Variants in DYNC1I1 observed in about 807,000 individuals in gnomAD.
The protein encoded by DYNC1I1 is cytoplasmic dynein 1 intermediate chain 1.
DYNC1I1 carries 43 observed loss-of-function variants against 86.6 expected under a neutral mutation model. The ratio of observed to expected loss-of-function variants is 0.50; its 90% confidence interval spans 0.39 to 0.64. The LOEUF is 0.64. Among genes scored for constraint, DYNC1I1 ranks in the 30% least tolerant of loss-of-function variants. The pLI is 0.00. For missense variants in DYNC1I1, 604 were observed against 788.8 expected, an observed-to-expected ratio of 0.77 and a Z score of 2.81; for synonymous variants, 262 against 283.7, an observed-to-expected ratio of 0.92 and a Z score of 0.77.
chr7:96,041,094 T>C (rs894752250), intron 14 of DYNC1I1, among the ~76,000 whole-genome samples: 1 of 151,788 alleles, frequency 6.6e-6, no homozygotes, highest in Non-Finnish European at 1.5e-5. Context: ...TAAATAGAAA[T>C]TGAACTAGAA....
chr7:95,876,106 G>A (rs888384902), intron 6 of DYNC1I1, among the ~76,000 whole-genome samples: 2 of 152,106 alleles, frequency 1.3e-5, no homozygotes, highest in African/African-American at 4.8e-5. Context: ...ATTGCATGGT[G>A]GTCTCTTTTC....
In DYNC1I1 at chr7:96,080,320, C is replaced by T. The variant is rs770945099; in HGVS notation, c.1651-43C>T. ...TATTGTAAATTTGTATATTTAAATT[C>T]ATATTCAGAGATTCTTTTATTCTGT... is the stretch of plus-strand genomic sequence containing the variant. On this transcript the variant is annotated intron_variant, in intron 15 of 16. Coordinates refer to ENST00000447467, the MANE Select transcript of DYNC1I1 (RefSeq NM_001135556.2). 3.3e-6 allele frequency: 5 copies of T among 1,528,668 alleles called. No individual in the cohort carries two copies. The African/African-American group carries it at 5.6e-5, about 17-fold the overall frequency. 94.7% of individuals were successfully genotyped at this position (1,528,668 alleles called of 1,614,324 possible). A position where few individuals can be genotyped will look rare whatever the true frequency, so the allele number is the denominator to read the frequency against.
chr7:96,027,470 A>G (rs1402442635), intron 10 of DYNC1I1, among the ~76,000 whole-genome samples: 1 of 152,194 alleles, frequency 6.6e-6, no homozygotes, highest in Non-Finnish European at 1.5e-5. Flanking sequence ...CAGAAACCAC[A>G]TTTGTGACAG....
At chr7:96,100,817 G>A (rs1473885965), downstream of DYNC1I1, among the ~76,000 whole-genome samples, 2 of 152,092 alleles carry the variant, frequency 1.3e-5, no homozygotes, top group African/African-American at 4.8e-5. Context: ...GGTAGTACAG[G>A]AAGGAATAAA....
chr7:95,861,763 A>T (rs1342260409), intron 5 of DYNC1I1, among the ~76,000 whole-genome samples: 1 of 152,188 alleles, frequency 6.6e-6, no homozygotes, highest in Non-Finnish European at 1.5e-5. Context: ...CGCTCTTGCT[A>T]GTGGTGGAAG....
chr7:95,968,824 CTGTGTGTGTGTGTGTGTG>C (rs56022930), intron 6 of DYNC1I1, among the ~76,000 whole-genome samples: 13 of 94,414 alleles, frequency 1.4e-4, no homozygotes, highest in South Asian at 8.7e-4. Flanking sequence ...ATTTTTTGCT[CTGTGTGTGTGTGTGTGTG>C]TGTGTGTGTG....
At chr7:95,777,129 A>G (rs1207722665) in intron 1 of DYNC1I1, among the ~76,000 whole-genome samples, 1 of 152,210 alleles carries the variant, frequency 6.6e-6, no homozygotes, top group Non-Finnish European at 1.5e-5. Flanking sequence ...AGAGTCCCTC[A>G]AGAAATATGT....
chr7:96,050,026 A>C (rs148599853), intron 14 of DYNC1I1, among the ~76,000 whole-genome samples: 2,807 of 148,840 alleles, frequency 0.019, 39 homozygotes, highest in Non-Finnish European at 0.025. Flanking sequence ...CATCTCAAAA[A>C]AAACAAACAA....
At chr7:96,000,969 A>G (rs960706269) in intron 10 of DYNC1I1, among the ~76,000 whole-genome samples, 2 of 152,238 alleles carry the variant, frequency 1.3e-5, no homozygotes, top group African/African-American at 4.8e-5. Context: ...AAGTTGTTTT[A>G]AAATCGTTTT....
intron 6 of DYNC1I1, among the ~76,000 whole-genome samples, chr7:95,943,362 T>A (rs200576747): frequency 6.6e-6 from 1 of 151,394 alleles, no homozygotes; most frequent in African/African-American, 2.4e-5. Flanking sequence ...CACTGCTCAA[T>A]GAAATAAAAG....
At chr7:95,947,558 C>T (rs1792435608) in intron 6 of DYNC1I1, among the ~76,000 whole-genome samples, 1 of 152,052 alleles carries the variant, frequency 6.6e-6, no homozygotes, top group African/African-American at 2.4e-5. Flanking sequence ...GGGAGATGCC[C>T]AGGATAGCTC....
At chr7:95,916,888 T>A (rs1443326768) in intron 6 of DYNC1I1, among the ~76,000 whole-genome samples, 1 of 152,208 alleles carries the variant, frequency 6.6e-6, no homozygotes, top group Non-Finnish European at 1.5e-5. Context: ...TGTCTTAAAT[T>A]CATCAAAGTT....
chr7:95,947,184 G>C (rs545214361), intron 6 of DYNC1I1, among the ~76,000 whole-genome samples: 34 of 152,206 alleles, frequency 2.2e-4, no homozygotes, highest in Admixed American at 5.9e-4. Flanking sequence ...TAATAAAATA[G>C]TGTGTGCAAA....
intron 6 of DYNC1I1, among the ~76,000 whole-genome samples, chr7:95,872,961 A>C (rs1790212026): frequency 6.6e-6 from 1 of 152,306 alleles, no homozygotes; most frequent in South Asian, 2.1e-4. Flanking sequence ...CTGAGTACCC[A>C]AGAAATGCTG....
At chr7:96,053,811 G>A (rs2116122936) in intron 14 of DYNC1I1, among the ~76,000 whole-genome samples, 1 of 151,972 alleles carries the variant, frequency 6.6e-6, no homozygotes, top group East Asian at 1.9e-4. Flanking sequence ...TAGTTTCCTA[G>A]TATTACACAC....
intron 1 of DYNC1I1, among the ~76,000 whole-genome samples, chr7:95,782,326 A>G (rs1463805891): frequency 2.0e-5 from 3 of 152,242 alleles, no homozygotes; most frequent in Admixed American, 2.0e-4. Flanking sequence ...ATTCCTGCTA[A>G]TAACTACAGT....
chr7:95,813,333 A>G lies in DYNC1I1; in HGVS notation c.310A>G (p.Thr104Ala). ...AGACTCAGGCGATCTGGGGCCATTA[A>G]CAAGGTAAGAATTGTCCCTTTAAAA... is the stretch of plus-strand genomic sequence containing the variant. ...SQDSGDLGPL[T>A]RTLQWDTDPS... Residue 104 changes from threonine (T) to alanine (A), a missense_variant, in exon 4 of 17, where the codon ACA (threonine) becomes GCA (alanine). By Grantham distance (58) the Thr-to-Ala change is moderately conservative. Transcript: ENST00000447467. 6.2e-7 allele frequency: 1 copy of G among 1,612,506 alleles called. No homozygotes were observed. Among genetic ancestry groups the G allele is most frequent in the Non-Finnish European group, 8.5e-7 (1 of 1,179,286 alleles).
At chr7:95,784,812 T>C (rs1263742692) in intron 1 of DYNC1I1, among the ~76,000 whole-genome samples, 1 of 152,186 alleles carries the variant, frequency 6.6e-6, no homozygotes, top group Non-Finnish European at 1.5e-5. Context: ...CAGTGAGAGG[T>C]CAGAGAAGCT....
Position 95,843,448 on chromosome 7 carries a change from G to A in DYNC1I1, c.374+15332G>A, listed in dbSNP as rs188838633. Reference sequence around the variant, plus strand: ...TCTCTCAATGCTGTAACTTGGGGCAGTTGTAGGGCTCCTCTTACTTGTGTC... The same window carrying A: ...TCTCTCAATGCTGTAACTTGGGGCAATTGTAGGGCTCCTCTTACTTGTGTC... On this transcript the variant is annotated intron_variant, in intron 5 of 16. Transcript: ENST00000447467. 3.3e-4 allele frequency among the ~76,000 whole-genome samples: 50 copies of A among 152,296 alleles called. No homozygotes were observed. The East Asian group carries it at 9.5e-3, about 29-fold the overall frequency.
Sources: gnomAD v4.1 joint callset for allele counts (sites outside exome capture counted in the v4.1 genomes callset) on GRCh38, gnomAD v4.1.1 for gene constraint, MANE v1.5 for transcripts, NCBI Gene and HGNC (gene_info 2026-07-23, HGNC 2026-07-21) for gene names.